VNN2: variants seen among roughly 807,000 people sequenced by gnomAD.
VNN2 encodes pantetheine hydrolase VNN2.
A neutral mutation model predicts 43.0 loss-of-function variants in VNN2; 43 were observed. That is an observed-to-expected ratio of 1.00 (90% CI 0.78 to 1.29). The LOEUF (loss-of-function observed/expected upper bound fraction) is 1.29, where lower values mean the gene tolerates loss of function less well. Among genes scored for constraint, VNN2 ranks in the 50% most tolerant of loss-of-function variants. VNN2 has a pLI of 0.00. For synonymous variants in VNN2, 230 were observed against 224.3 expected, an observed-to-expected ratio of 1.03 and a Z score of -0.23; for missense variants, 652 against 619.7, an observed-to-expected ratio of 1.05 and a Z score of -0.55.
At chr6:132,751,580 A>G in intron 4 of VNN2, 62 bp from the exon 5 acceptor site, 1 of 1,538,656 alleles carries the variant, frequency 6.5e-7, no homozygotes, top group Non-Finnish European at 8.7e-7. Flanking sequence ...AAAACTGCCA[A>G]TTTCCCCATC....
upstream of VNN2, among the ~76,000 whole-genome samples, chr6:132,759,438 C>CAAAAA (rs58195059): frequency 2.4e-3 from 168 of 69,142 alleles, 13 homozygotes; most frequent in African/African-American, 7.1e-3. Context: ...AACTCCGTCT[C>CAAAAA]AAAAAAAAAA....
chr6:132,750,016 T>C (rs1779964483), intron 5 of VNN2, 151 bp from the exon 6 acceptor site: 7 of 704,204 alleles, frequency 9.9e-6, no homozygotes, highest in Non-Finnish European at 1.5e-5. Flanking sequence ...AACTGCTTTA[T>C]TAAAAATGGC....
chr6:132,748,336 G>T (rs1005950267), intron 6 of VNN2, among the ~76,000 whole-genome samples: 1 of 152,114 alleles, frequency 6.6e-6, no homozygotes. Flanking sequence ...GCCTAAACAG[G>T]TTCTATGGCA....
intron 4 of VNN2, 79 bp downstream of exon 4, chr6:132,752,382 T>C (rs1314151135): frequency 1.3e-6 from 2 of 1,482,772 alleles, no homozygotes; most frequent in Non-Finnish European, 1.8e-6. Flanking sequence ...AAGCAAAAAA[T>C]TAATACAAGT....
intron 6 of VNN2, among the ~76,000 whole-genome samples, chr6:132,744,757 G>A (rs1304475712): frequency 2.0e-5 from 3 of 152,148 alleles, no homozygotes; most frequent in South Asian, 2.1e-4. Context: ...CATTGAGTTC[G>A]ATTATGTGCA....
intron 2 of VNN2, among the ~76,000 whole-genome samples, chr6:132,756,511 T>C (rs1462857822): frequency 1.3e-5 from 2 of 152,178 alleles, no homozygotes; most frequent in African/African-American, 4.8e-5. Flanking sequence ...AAACTCTTAC[T>C]AATGCCAGCA....
Position 132,757,822 on chromosome 6 carries a change from C to T in VNN2, c.62G>A (p.Gly21Asp), listed in dbSNP as rs780929935. 1.4e-5 allele frequency: 22 copies of T among 1,613,870 alleles called. No individual in the cohort carries two copies. The South Asian group carries it at 2.2e-4, about 16-fold the overall frequency. The change falls in exon 1 of 7, where the codon GGT (glycine) becomes GAT (aspartate). Residue 21 changes from glycine to aspartate, a missense_variant. Gly to Asp is a moderately conservative substitution (Grantham distance 94). Transcript: ENST00000326499. ...AVFALITLQV[G>D]TQDSFIAAVY... ...TGCAGCTATAAAACTGTCCTGAGTA[C>T]CAACCTGCAGGGTTATTAGGGCAAA...
At position 132,751,212 on chromosome 6, in the gene VNN2, T is replaced by C. The variant is rs1780063259; in HGVS notation, c.1133A>G (p.Glu378Gly). ...AGCTCCTAGAACGTATACTTCATTCTCTTCTTTTTGTAACATTCTGTAGCT... is the reference window on the plus strand; with the variant it reads ...AGCTCCTAGAACGTATACTTCATTCCCTTCTTTTTGTAACATTCTGTAGCT... ...HLSYRMLQKE[E>G]NEVYVLGAFT... Residue 378 changes from glutamate (E) to glycine (G), a missense_variant, in exon 5 of 7, where the codon GAG (glutamate) becomes GGG (glycine). By Grantham distance (98) the Glu-to-Gly change is moderately conservative. Coordinates refer to ENST00000326499, the MANE Select transcript of VNN2 (RefSeq NM_004665.6). 1 of 1,614,184 alleles carries C rather than the reference T, an allele frequency of 6.2e-7. No individual in the cohort carries two copies. Among genetic ancestry groups the C allele is most frequent in the South Asian group, 1.1e-5 (1 of 91,086 alleles).
rs755908671 is a variant in VNN2, at chr6:132,757,651, T to G, written c.213+20A>C. 7 of 1,612,212 alleles carry G rather than the reference T, an allele frequency of 4.3e-6. No homozygotes were observed. The Admixed American group carries it at 1.2e-4, about 27-fold the overall frequency. On this transcript the variant is annotated intron_variant, in intron 1 of 6. Coordinates refer to ENST00000326499, the MANE Select transcript of VNN2 (RefSeq NM_004665.6). ...CCATGCCCCTCGTGTACATTATGAT[T>G]AACAGAAATAAGAGAATACCTGCTC... is the stretch of plus-strand genomic sequence containing the variant.
rs141755989 is a variant in VNN2 at position 132,744,475 on chromosome 6, C to A, written c.1388G>T (p.Arg463Leu). 12 of 1,579,590 alleles carry A rather than the reference C, an allele frequency of 7.6e-6. No individual in the cohort carries two copies. Among genetic ancestry groups the A allele is most frequent in the Non-Finnish European group, 9.4e-6 (11 of 1,167,422 alleles). The part of the protein sequence containing the change: ...PGKFEVLKDG[R>L]LVNKNGSSGP... ...AGATGATCCATTCTTGTTTACCAAA[C>A]GCCCATCTTTCAGCACCTAAAGAAA... Residue 463 changes from arginine (R) to leucine (L), a missense_variant, in exon 7 of 7, where the codon CGT (arginine) becomes CTT (leucine). Transcript: ENST00000326499.
chr6:132,747,694 T>C (rs1374880317), intron 6 of VNN2, among the ~76,000 whole-genome samples: 3 of 152,174 alleles, frequency 2.0e-5, no homozygotes, highest in Non-Finnish European at 2.9e-5. Context: ...AGTTAAGCAT[T>C]TAAACATGTA....
chr6:132,749,951 C>T lies in VNN2; in HGVS notation c.1201-86G>A, dbSNP rs74517524. 3.2e-5 allele frequency: 40 copies of T among 1,238,362 alleles called. No homozygotes were observed. The East Asian group carries it at 4.1e-4, about 13-fold the overall frequency. 76.7% of individuals were successfully genotyped at this position (1,238,362 alleles called of 1,614,324 possible). A position where few individuals can be genotyped will look rare whatever the true frequency, so the allele number is the denominator to read the frequency against. On this transcript the variant is annotated intron_variant, in intron 5 of 6. Transcript: ENST00000326499. ...ATGTTGCCTTAGTTTTTAACTACAG[C>T]GAAGCAAACATTATCTTTCTCTGAA...
rs201471643 is a variant in VNN2 at position 132,757,693 on chromosome 6, G to T, written c.191C>A (p.Ala64Glu). ...TACCTGCTCAGCTGCCTGCTTGATC[G>T]CTGTCTCCAGAATGTCTATATTCTC... is the stretch of plus-strand genomic sequence containing the variant. ...MNENIDILET[A>E]IKQAAEQGAR... The change falls in exon 1 of 7, where the codon GCG becomes GAG. Residue 64 changes from alanine to glutamate, a missense_variant. Coordinates refer to ENST00000326499, the MANE Select transcript of VNN2 (RefSeq NM_004665.6). 2 of 1,613,918 alleles carry T rather than the reference G, an allele frequency of 1.2e-6. No homozygotes were observed. Among genetic ancestry groups the T allele is most frequent in the Non-Finnish European group, 1.7e-6 (2 of 1,179,860 alleles).
At chr6:132,763,139 T>A (rs1328497681) in intron 1 of VNN2, among the ~76,000 whole-genome samples, 1 of 151,868 alleles carries the variant, frequency 6.6e-6, no homozygotes, top group African/African-American at 2.4e-5. Context: ...AGGAACTGGA[T>A]CCAAGTCACT....
upstream of VNN2, among the ~76,000 whole-genome samples, chr6:132,759,298 T>C (rs576463484): frequency 1.3e-5 from 2 of 149,888 alleles, no homozygotes; most frequent in East Asian, 2.0e-4. Context: ...AAGTAGCTGG[T>C]CGTGGTGGTG....
At chr6:132,761,353 C>T (rs1448655117), upstream of VNN2, among the ~76,000 whole-genome samples, 1 of 141,288 alleles carries the variant, frequency 7.1e-6, no homozygotes, top group African/African-American at 2.9e-5. Flanking sequence ...AAAGAGTCAC[C>T]ATAAAAAAAA....
intron 2 of VNN2, among the ~76,000 whole-genome samples, chr6:132,756,718 C>T (rs1159740593): frequency 6.6e-6 from 1 of 152,234 alleles, no homozygotes; most frequent in African/African-American, 2.4e-5. Flanking sequence ...TTTCCTAGTG[C>T]TCAAGCCTTA....
At chr6:132,756,603 C>G (rs1392138947) in intron 2 of VNN2, among the ~76,000 whole-genome samples, 1 of 152,064 alleles carries the variant, frequency 6.6e-6, no homozygotes, top group Non-Finnish European at 1.5e-5. Context: ...TCTGGAAACA[C>G]CTCACTTCTC....
chr6:132,759,433 C>T (rs1389980013), upstream of VNN2, among the ~76,000 whole-genome samples: 9 of 109,138 alleles, frequency 8.2e-5, no homozygotes, highest in African/African-American at 2.4e-4. Flanking sequence ...AGCGAAACTC[C>T]GTCTCAAAAA....
Sources: gnomAD v4.1 joint callset for allele counts (sites outside exome capture counted in the v4.1 genomes callset) on GRCh38, gnomAD v4.1.1 for gene constraint, MANE v1.5 for transcripts, NCBI Gene and HGNC (gene_info 2026-07-23, HGNC 2026-07-21) for gene names.